LHFPL6: variants seen among roughly 807,000 people sequenced by gnomAD.
LHFPL6 encodes the protein LHFPL tetraspan subfamily member 6, also known as LHFPL tetraspan subfamily member 6 protein.
A neutral mutation model predicts 20.6 loss-of-function variants in LHFPL6; 9 were observed. The observed-to-expected ratio is 0.44, with a 90% confidence interval of 0.26 to 0.76. The LOEUF is 0.76. Among genes scored for constraint, LHFPL6 ranks in the 30% least tolerant of loss-of-function variants. LHFPL6 has a pLI of 0.20. For synonymous variants in LHFPL6, 105 were observed against 98.7 expected (o/e 1.06, Z -0.38); for missense variants, 218 against 253.5 (o/e 0.86, Z 0.95).
chr13:39,575,908 G>A (rs1470124792), intron 2 of LHFPL6, among the ~76,000 whole-genome samples: 1 of 152,156 alleles, frequency 6.6e-6, no homozygotes, highest in African/African-American at 2.4e-5. Context: ...GAAATTACCA[G>A]TTTACTTTCA....
Position 39,601,241 on chromosome 13 carries a change from AC to A in LHFPL6, c.-26del. ...TCTTTCACCAGATAGGGCAATGAGG[AC>A]CCCAAGTAAGTGTTCAGGGACTGCA... On this transcript the variant is annotated 5_prime_UTR_variant, in exon 2 of 4. It introduces an in-frame stop codon into an upstream open reading frame of the 5' UTR. Coordinates refer to ENST00000379589, the MANE Select transcript of LHFPL6 (RefSeq NM_005780.3). 6.3e-7 allele frequency: 1 copy of A among 1,581,818 alleles called. No individual in the cohort carries two copies. The highest frequency in any genetic ancestry group is 8.6e-7 in the Non-Finnish European group (1 of 1,162,894).
At chr13:39,437,763 G>A (rs1405350337) in intron 2 of LHFPL6, among the ~76,000 whole-genome samples, 9 of 152,032 alleles carry the variant, frequency 5.9e-5, no homozygotes, top group African/African-American at 1.4e-4. Context: ...TTAGCTGGGC[G>A]TGGTGGCGGG....
At chr13:39,520,515 A>G (rs541585346) in intron 2 of LHFPL6, among the ~76,000 whole-genome samples, 27 of 152,302 alleles carry the variant, frequency 1.8e-4, no homozygotes, top group Middle Eastern at 3.4e-3. Flanking sequence ...AAAAAATAAA[A>G]AAGAGTCCAA....
intron 2 of LHFPL6, among the ~76,000 whole-genome samples, chr13:39,421,572 A>G (rs1486622134): frequency 6.6e-6 from 1 of 152,238 alleles, no homozygotes; most frequent in South Asian, 2.1e-4. Context: ...GATAAAAATT[A>G]TCATCATTTC....
At chr13:39,400,302 C>A (rs1324279445) in intron 2 of LHFPL6, among the ~76,000 whole-genome samples, 1 of 152,156 alleles carries the variant, frequency 6.6e-6, no homozygotes, top group East Asian at 1.9e-4. Flanking sequence ...AAATCTAAGT[C>A]TCTAGAAAAT....
intron 2 of LHFPL6, among the ~76,000 whole-genome samples, chr13:39,572,498 T>C (rs1871958434): frequency 6.6e-6 from 1 of 152,160 alleles, no homozygotes; most frequent in African/African-American, 2.4e-5. Context: ...CCATCTCCTA[T>C]TACTCAAAAA....
chr13:39,575,340 T>G (rs536513004), intron 2 of LHFPL6, among the ~76,000 whole-genome samples: 1 of 152,284 alleles, frequency 6.6e-6, no homozygotes, highest in Admixed American at 6.5e-5. Context: ...ATTTCAGACT[T>G]TAGCGCACAG....
intron 2 of LHFPL6, among the ~76,000 whole-genome samples, chr13:39,578,351 T>C (rs1304012883): frequency 6.6e-6 from 1 of 152,230 alleles, no homozygotes; most frequent in East Asian, 1.9e-4. Context: ...CTGTGCTGTC[T>C]GTATGAGTGC....
intron 2 of LHFPL6, among the ~76,000 whole-genome samples, chr13:39,403,388 C>A (rs1386919793): frequency 4.6e-5 from 7 of 152,198 alleles, no homozygotes; most frequent in Admixed American, 4.6e-4. Context: ...CCTTTCCAAT[C>A]TTTCCAGGCT....
At chr13:39,432,253 G>A (rs1871832303) in intron 2 of LHFPL6, among the ~76,000 whole-genome samples, 1 of 152,162 alleles carries the variant, frequency 6.6e-6, no homozygotes, top group East Asian at 1.9e-4. Flanking sequence ...AATAATTTAA[G>A]ACACATCCAA....
At chr13:39,599,560 G>T (rs1412490287) in intron 2 of LHFPL6, among the ~76,000 whole-genome samples, 1 of 152,140 alleles carries the variant, frequency 6.6e-6, no homozygotes, top group Non-Finnish European at 1.5e-5. Context: ...AGGGACTAAG[G>T]TGCAAACCCA....
At chr13:39,515,086 C>T (rs1869862304) in intron 2 of LHFPL6, among the ~76,000 whole-genome samples, 1 of 152,224 alleles carries the variant, frequency 6.6e-6, no homozygotes. Flanking sequence ...ACCTGAATCC[C>T]CTTTAAGTGG....
chr13:39,523,329 G>A (rs1870171840), intron 2 of LHFPL6, among the ~76,000 whole-genome samples: 1 of 152,162 alleles, frequency 6.6e-6, no homozygotes. Context: ...CAGCACTTTG[G>A]GAGGCCGAGG....
At chr13:39,467,492 G>A (rs955839215) in intron 2 of LHFPL6, among the ~76,000 whole-genome samples, 1 of 152,056 alleles carries the variant, frequency 6.6e-6, no homozygotes, top group African/African-American at 2.4e-5. Context: ...CAGCCTCAAG[G>A]TCTCTCTAAC....
chr13:39,345,676 G>A (rs745386794), intron 3 of LHFPL6, among the ~76,000 whole-genome samples: 29 of 152,148 alleles, frequency 1.9e-4, no homozygotes, highest in Non-Finnish European at 3.7e-4. Flanking sequence ...TTCCCACAGC[G>A]TAGATAACCC....
At chr13:39,394,864 C>G (rs773938558) in intron 2 of LHFPL6, among the ~76,000 whole-genome samples, 1 of 152,046 alleles carries the variant, frequency 6.6e-6, no homozygotes, top group Non-Finnish European at 1.5e-5. Flanking sequence ...TTTTGTTGCT[C>G]GGTCCAAAGC....
At chr13:39,413,024 G>A (rs1299249082) in intron 2 of LHFPL6, among the ~76,000 whole-genome samples, 3 of 152,062 alleles carry the variant, frequency 2.0e-5, no homozygotes, top group Admixed American at 1.3e-4. Flanking sequence ...TATTACACCT[G>A]CCTTCTGCAG....
intron 2 of LHFPL6, among the ~76,000 whole-genome samples, chr13:39,521,091 T>C (rs1026460327): frequency 6.6e-6 from 1 of 152,150 alleles, no homozygotes; most frequent in Non-Finnish European, 1.5e-5. Flanking sequence ...ACAATTATTC[T>C]CCTTTCTTTT....
chr13:39,553,732 A>AC (rs145634996), intron 2 of LHFPL6, among the ~76,000 whole-genome samples: 2,638 of 152,232 alleles, frequency 0.017, 74 homozygotes, highest in African/African-American at 0.061. Flanking sequence ...AAAATAAATA[A>AC]AAAAGGCCAG....
Sources: allele counts gnomAD v4.1 joint callset (sites outside exome capture counted in the v4.1 genomes callset), GRCh38; gene constraint gnomAD v4.1.1; transcripts MANE v1.5; gene names NCBI Gene and HGNC (gene_info 2026-07-23, HGNC 2026-07-21).